Variants in ANKRD17 observed in about 807,000 individuals in gnomAD.
ANKRD17 encodes ankyrin repeat domain 17, also known as ankyrin repeat domain-containing protein 17.
In ANKRD17, 19 loss-of-function variants were observed where a neutral mutation model predicts 229.7. The ratio of observed to expected loss-of-function variants is 0.08; its 90% CI spans 0.06 to 0.12. ANKRD17 has a LOEUF of 0.12. Among genes scored for constraint, ANKRD17 ranks in the 10% least tolerant of loss-of-function variants. The probability of loss-of-function intolerance (pLI) is 1.00; values close to 1 mark genes in which losing one functional copy is unlikely to be tolerated. For missense variants in ANKRD17, 2,176 were observed against 3,176.8 expected, an observed-to-expected ratio of 0.68 and a Z score of 7.57; for synonymous variants, 1,112 against 1,146.1, an observed-to-expected ratio of 0.97 and a Z score of 0.60.
intron 24 of ANKRD17, among the ~76,000 whole-genome samples, chr4:73,103,827 G>GTTT (rs148621021): frequency 4.0e-5 from 6 of 148,868 alleles, no homozygotes; most frequent in South Asian, 2.1e-4. Context: ...AACCCTCTCC[G>GTTT]GTTTTTTTTT....
chr4:73,105,776 G>A (rs147884337), intron 24 of ANKRD17, among the ~76,000 whole-genome samples: 1 of 152,082 alleles, frequency 6.6e-6, no homozygotes, highest in Admixed American at 6.6e-5. Context: ...TAAAAGAAAG[G>A]CAAAATACTA....
intron 1 of ANKRD17, among the ~76,000 whole-genome samples, chr4:73,251,187 G>C (rs1578527536): frequency 6.6e-6 from 1 of 152,250 alleles, no homozygotes; most frequent in Non-Finnish European, 1.5e-5. Flanking sequence ...TCTAAGTTAT[G>C]CTTTCAATAA....
chr4:73,227,180 G>C (rs901145757), intron 1 of ANKRD17, among the ~76,000 whole-genome samples: 1 of 152,050 alleles, frequency 6.6e-6, no homozygotes, highest in African/African-American at 2.4e-5. Context: ...TTGAGACGGA[G>C]TCTTGCTTTG....
intron 30 of ANKRD17, 111 bp from the exon 31 acceptor site, chr4:73,079,001 C>CA: frequency 7.9e-7 from 1 of 1,273,056 alleles, no homozygotes. Context: ...CTCAGAAAAA[C>CA]AAAGTGTAAA....
At chr4:73,210,856 T>C (rs770455521) in intron 1 of ANKRD17, among the ~76,000 whole-genome samples, 1 of 152,076 alleles carries the variant, frequency 6.6e-6, no homozygotes, top group African/African-American at 2.4e-5. Flanking sequence ...AATCTCAAAA[T>C]TCATCAAGTT....
chr4:73,174,367 T>G (rs1301584112), intron 2 of ANKRD17, among the ~76,000 whole-genome samples: 1 of 152,188 alleles, frequency 6.6e-6, no homozygotes, highest in Non-Finnish European at 1.5e-5. Context: ...AAAAAACATT[T>G]GATGAAATCC....
In ANKRD17 at chr4:73,144,798, A is replaced by T; in HGVS notation, c.1904T>A (p.Met635Lys). Residue 635 changes from methionine to lysine, a missense_variant, in exon 11 of 34, where the codon ATG (methionine) becomes AAG (lysine). By Grantham distance (95) the Met-to-Lys change is moderately conservative (BLOSUM62 -1). Transcript: ENST00000358602. ...HESEGGRTPL[M>K]KAARAGHVCT... Reference sequence around the variant, plus strand: ...AACATGACCAGCTCTTGCAGCTTTCATTAAAGGAGTTCTTCCACCTTCAGA... The same window carrying T: ...AACATGACCAGCTCTTGCAGCTTTCTTTAAAGGAGTTCTTCCACCTTCAGA... 6.2e-7 allele frequency: 1 copy of T among 1,605,650 alleles called. No homozygotes were observed. The highest frequency in any genetic ancestry group is 8.5e-7 in the Non-Finnish European group (1 of 1,177,022).
chr4:73,180,644 A>ACAGCT (rs1450711489), intron 1 of ANKRD17, among the ~76,000 whole-genome samples: 1 of 152,230 alleles, frequency 6.6e-6, no homozygotes, highest in African/African-American at 2.4e-5. Context: ...ATTCTTATAG[A>ACAGCT]CAGCTTTAGA....
chr4:73,088,009 G>T (rs1722380124), intron 29 of ANKRD17, among the ~76,000 whole-genome samples: 1 of 151,786 alleles, frequency 6.6e-6, no homozygotes, highest in Non-Finnish European at 1.5e-5. Context: ...GGGGAGTGAG[G>T]GAGAGAGTTT....
In ANKRD17 at chr4:73,091,206, G is replaced by A. The variant is rs764517817; in HGVS notation, c.6422C>T (p.Ala2141Val). 11 of 1,614,214 alleles carry A rather than the reference G, an allele frequency of 6.8e-6. No individual in the cohort carries two copies. Among genetic ancestry groups the A allele is most frequent in the Non-Finnish European group, 9.3e-6 (11 of 1,180,052 alleles). The change falls in exon 29 of 34, where the codon GCA becomes GTA. Residue 2141 changes from alanine to valine, a missense_variant. Coordinates refer to ENST00000358602, the MANE Select transcript of ANKRD17 (RefSeq NM_032217.5). ...PEVRMTVPPL[A>V]TSSAPVAVPS... ...CACCGCCACTGGAGCAGAACTTGTT[G>A]CTAAAGGAGGAACAGTCATTCTAAC...
chr4:73,118,048 C>T (rs1042771577), intron 22 of ANKRD17, among the ~76,000 whole-genome samples: 14 of 151,970 alleles, frequency 9.2e-5, no homozygotes, highest in Admixed American at 2.0e-4. Flanking sequence ...CGGGGTCGTA[C>T]TCTTGTCACC....
At chr4:73,205,097 T>G (rs949929874) in intron 1 of ANKRD17, among the ~76,000 whole-genome samples, 3 of 152,000 alleles carry the variant, frequency 2.0e-5, no homozygotes, top group Non-Finnish European at 4.4e-5. Context: ...GAGGATAGCT[T>G]GAAGCTAGGA....
chr4:73,253,561 T>C (rs1368997884), intron 1 of ANKRD17, among the ~76,000 whole-genome samples: 1 of 152,236 alleles, frequency 6.6e-6, no homozygotes, highest in African/African-American at 2.4e-5. Context: ...AGTAGAGATT[T>C]AAAAACTCGG....
intron 1 of ANKRD17, among the ~76,000 whole-genome samples, chr4:73,238,351 C>A (rs1743700765): frequency 6.6e-6 from 1 of 152,150 alleles, no homozygotes; most frequent in Non-Finnish European, 1.5e-5. Context: ...AAACAGCATT[C>A]TTCCCACTTC....
chr4:73,236,659 G>GA (rs776984213), intron 1 of ANKRD17, among the ~76,000 whole-genome samples: 44 of 147,416 alleles, frequency 3.0e-4, no homozygotes, highest in East Asian at 9.8e-4. Flanking sequence ...TCCTGACTGG[G>GA]AAAAAAAAAA....
At chr4:73,175,687 C>G (rs1028920051) in intron 2 of ANKRD17, among the ~76,000 whole-genome samples, 25 of 152,172 alleles carry the variant, frequency 1.6e-4, no homozygotes, top group African/African-American at 5.3e-4. Context: ...ACAAAGTTGC[C>G]AAGAACATCC....
chr4:73,146,052 C>T (rs906500533), intron 10 of ANKRD17, among the ~76,000 whole-genome samples: 5 of 152,034 alleles, frequency 3.3e-5, no homozygotes, highest in South Asian at 2.1e-4. Context: ...CCTTTTACCC[C>T]GCAGGCTAGA....
At chr4:73,179,518 A>ATATATATATATT (rs1192164276) in intron 1 of ANKRD17, among the ~76,000 whole-genome samples, 6 of 40,780 alleles carry the variant, frequency 1.5e-4, no homozygotes, top group African/African-American at 4.6e-4. Context: ...ATATATATAT[A>ATATATATATATT]TTTTTTTTTT....
chr4:73,126,974 A>G (rs1186147347), intron 16 of ANKRD17, among the ~76,000 whole-genome samples: 1 of 152,210 alleles, frequency 6.6e-6, no homozygotes, highest in Non-Finnish European at 1.5e-5. Context: ...GAGGAACTGA[A>G]TTTTAAATTG....
Sources: allele counts gnomAD v4.1 joint callset (sites outside exome capture counted in the v4.1 genomes callset), GRCh38; gene constraint gnomAD v4.1.1; transcripts MANE v1.5; gene names NCBI Gene and HGNC (gene_info 2026-07-23, HGNC 2026-07-21).